PARP10: variants seen among roughly 807,000 people sequenced by gnomAD.
The protein encoded by PARP10 is protein mono-ADP-ribosyltransferase PARP10.
A neutral mutation model predicts 82.4 loss-of-function variants in PARP10; 56 were observed. The observed-to-expected ratio is 0.68, with a 90% CI of 0.55 to 0.85. PARP10 has a LOEUF of 0.85. Ranked by LOEUF, PARP10 falls within the 40% of genes least tolerant of loss-of-function variation. PARP10 has a pLI of 0.00. For synonymous variants in PARP10, 576 were observed against 601.1 expected (o/e 0.96, Z 0.61); for missense variants, 1,227 against 1,379.4 (o/e 0.89, Z 1.75).
chr8:143,991,890 C>T (rs1554750568), upstream of PARP10: 1 of 1,611,490 alleles, frequency 6.2e-7, no homozygotes. Context: ...GTTCCTAGTG[C>T]TGACCTTGCA....
At chr8:143,982,689 C>G (rs546749081) in intron 9 of PARP10, among the ~76,000 whole-genome samples, 63 of 152,340 alleles carry the variant, frequency 4.1e-4, no homozygotes, top group African/African-American at 1.4e-3. Context: ...GACCCAGCCA[C>G]GAGTGGCAGA....
intron 1 of PARP10, among the ~76,000 whole-genome samples, chr8:144,004,536 C>T (rs1439747484): frequency 2.0e-5 from 3 of 152,178 alleles, no homozygotes; most frequent in South Asian, 2.1e-4. Context: ...GCCAACTCCA[C>T]GCAGCAGGTG....
intron 9 of PARP10, among the ~76,000 whole-genome samples, chr8:143,979,360 G>T (rs1419509421): frequency 6.6e-6 from 1 of 152,136 alleles, no homozygotes; most frequent in Admixed American, 6.5e-5. Flanking sequence ...TCTCATTACC[G>T]ACACCAGATG....
At chr8:143,980,266 G>A (rs1554747370) in intron 9 of PARP10, among the ~76,000 whole-genome samples, 4 of 137,232 alleles carry the variant, frequency 2.9e-5, no homozygotes, top group African/African-American at 1.1e-4. Flanking sequence ...CTTGCAGTGA[G>A]CTGAGATTGC....
chr8:144,004,092 C>T (rs1416634229), intron 1 of PARP10, among the ~76,000 whole-genome samples: 2 of 150,950 alleles, frequency 1.3e-5, no homozygotes, highest in African/African-American at 4.9e-5. Flanking sequence ...GCAGGAGGAT[C>T]GCTTGAGGCC....
At chr8:143,980,512 A>G (rs1241649007) in intron 9 of PARP10, among the ~76,000 whole-genome samples, 1 of 150,170 alleles carries the variant, frequency 6.7e-6, no homozygotes, top group Non-Finnish European at 1.5e-5. Flanking sequence ...ACAGAGAGAG[A>G]CACTGTCTCA....
Position 143,978,067 on chromosome 8 carries a change from C to A in PARP10, c.2571G>T (p.Ser857=). Residue 857 remains serine, a synonymous_variant, in exon 10 of 11, where the codon TCG becomes TCT. Coordinates refer to ENST00000313028, the MANE Select transcript of PARP10 (RefSeq NM_032789.5). ...CATACTGCTGCTGCAGCAGCGGGTGCGACACGCGCTCCACCTGCGGGGAAG... is the reference window on the plus strand; with the variant it reads ...CATACTGCTGCTGCAGCAGCGGGTGAGACACGCGCTCCACCTGCGGGGAAG... ...SIRVVRVERV[S]HPLLQQQYEL... is the part of the protein sequence containing the mutation. 6.5e-7 allele frequency: 1 copy of A among 1,528,828 alleles called. No homozygotes were observed. The highest frequency in any genetic ancestry group is 1.2e-5 in the South Asian group (1 of 84,406). The allele number at this position is 1,528,828 out of a possible 1,614,324, so 94.7% of individuals were successfully genotyped here.
chr8:143,977,412 G>T lies in PARP10; in HGVS notation c.*72C>A. 2 of 1,347,112 alleles carry T rather than the reference G, an allele frequency of 1.5e-6. No individual in the cohort carries two copies. The highest frequency in any genetic ancestry group is 1.4e-5 in the South Asian group (1 of 69,522). The allele number at this position is 1,347,112 out of a possible 1,614,324, so 83.4% of individuals were successfully genotyped here. On this transcript the variant is annotated 3_prime_UTR_variant, in exon 11 of 11. Coordinates refer to ENST00000313028, the MANE Select transcript of PARP10 (RefSeq NM_032789.5). ...GGGGACAGCTCAGGCGGCCACAGTT[G>T]GGGGCGGGGAGCATCAGCCTGTGCG...
chr8:143,982,346 C>T (rs1457469233), intron 9 of PARP10, among the ~76,000 whole-genome samples: 1 of 152,124 alleles, frequency 6.6e-6, no homozygotes, highest in Non-Finnish European at 1.5e-5. Context: ...TGGTGGCAGG[C>T]GCCTGTAGTC....
intron 1 of PARP10, among the ~76,000 whole-genome samples, chr8:144,005,296 A>G (rs1248443272): frequency 6.6e-6 from 1 of 152,008 alleles, no homozygotes; most frequent in African/African-American, 2.4e-5. Context: ...GTGAGAGGAG[A>G]AAGCAAGGAG....
chr8:143,984,510 G>A (rs1049534498), intron 5 of PARP10, 34 bp downstream of exon 5: 1 of 1,592,526 alleles, frequency 6.3e-7, no homozygotes, highest in Admixed American at 1.7e-5. Flanking sequence ...AGGAGGAGGG[G>A]GCTGAAGGTG....
Position 143,985,528 on chromosome 8 carries a change from A to G in PARP10, c.557T>C (p.Leu186Pro), listed in dbSNP as rs1833967622. The change falls in exon 4 of 11, where the codon CTG becomes CCG. Residue 186 changes from leucine (L) to proline (P), a missense_variant. Leu to Pro is a moderately conservative substitution (Grantham distance 98). Transcript: ENST00000313028. ...CTCCAGGTACAACTCCAGCAACAGC[A>G]GGTCCACAGAGGCACCATCCCCCAC... ...RVVGDGASVD[L>P]LLLELYLENE... is the part of the protein sequence containing the mutation. The G allele has an allele frequency of 3.1e-6, 5 of 1,613,998 alleles. No homozygotes were observed. The highest frequency in any genetic ancestry group is 1.6e-4 in the Middle Eastern group (1 of 6,062).
At chr8:143,999,339 A>C (rs1277207897) in intron 1 of PARP10, among the ~76,000 whole-genome samples, 6 of 151,918 alleles carry the variant, frequency 3.9e-5, no homozygotes, top group Non-Finnish European at 1.5e-5. Flanking sequence ...AGTAGCTGGG[A>C]CCACAGGCAT....
intron 9 of PARP10, among the ~76,000 whole-genome samples, chr8:143,979,096 C>T (rs1833788838): frequency 6.6e-6 from 1 of 152,128 alleles, no homozygotes; most frequent in Non-Finnish European, 1.5e-5. Context: ...CCTCAGCCTC[C>T]CGAATAGCTG....
At chr8:143,997,780 C>A (rs1434499827) in intron 1 of PARP10, among the ~76,000 whole-genome samples, 1 of 151,464 alleles carries the variant, frequency 6.6e-6, no homozygotes, top group African/African-American at 2.4e-5. Context: ...ATTTGCTACA[C>A]AAAATTCTTT....
chr8:143,992,791 A>G (rs370547789), upstream of PARP10: 3 of 1,613,734 alleles, frequency 1.9e-6, no homozygotes, highest in African/African-American at 1.3e-5. Flanking sequence ...CACAGACATC[A>G]TCAACATCTT....
chr8:143,982,310 A>G (rs1833882635), intron 9 of PARP10, among the ~76,000 whole-genome samples: 1 of 152,058 alleles, frequency 6.6e-6, no homozygotes, highest in Admixed American at 6.5e-5. Flanking sequence ...TCCACTAAAA[A>G]TATTTTTTAA....
upstream of PARP10, among the ~76,000 whole-genome samples, chr8:143,994,450 C>T (rs1834147288): frequency 6.6e-6 from 1 of 152,232 alleles, no homozygotes; most frequent in Non-Finnish European, 1.5e-5. Context: ...GCACTACCCG[C>T]CTGCCTAAAA....
chr8:143,985,291 C>T lies in PARP10; in HGVS notation c.711G>A (p.Gln237=), dbSNP rs782061862. Residue 237 remains glutamine (Q), a synonymous_variant, in exon 5 of 11, where the codon CAG becomes CAA. Transcript: ENST00000313028. The part of the protein sequence containing the change: ...ERVLQQEHRL[Q]GSELSLVPHY... Reference sequence around the variant, plus strand: ...GGGGGACAAGGCTCAGCTCTGAGCCCTGCAACCGGTGCTCCTGCTGCAACA... The same window carrying T: ...GGGGGACAAGGCTCAGCTCTGAGCCTTGCAACCGGTGCTCCTGCTGCAACA... 6.0e-5 allele frequency: 97 copies of T among 1,611,990 alleles called. No individual in the cohort carries two copies. In the Middle Eastern group the frequency reaches 6.6e-4, roughly 11 times the overall value.
Sources: gnomAD v4.1 joint callset for allele counts (sites outside exome capture counted in the v4.1 genomes callset) on GRCh38, gnomAD v4.1.1 for gene constraint, MANE v1.5 for transcripts, NCBI Gene and HGNC (gene_info 2026-07-23, HGNC 2026-07-21) for gene names.